Variants in COL24A1 observed in about 807,000 individuals in gnomAD.
COL24A1 encodes the protein collagen type XXIV alpha 1 chain.
A neutral mutation model predicts 253.9 loss-of-function variants in COL24A1; 224 were observed. That is an observed-to-expected ratio of 0.88 (90% confidence interval 0.79 to 0.99). The LOEUF (loss-of-function observed/expected upper bound fraction) is 0.99. Among genes scored for constraint, COL24A1 ranks in the 50% least tolerant of loss-of-function variants. COL24A1 has a pLI of 0.00. For missense variants in COL24A1, 2,131 were observed against 2,068.5 expected, an observed-to-expected ratio of 1.03 and a Z score of -0.59; for synonymous variants, 685 against 673.7, an observed-to-expected ratio of 1.02 and a Z score of -0.26.
At chr1:85,912,634 T>C (rs1426186799) in intron 24 of COL24A1, among the ~76,000 whole-genome samples, 1 of 152,208 alleles carries the variant, frequency 6.6e-6, no homozygotes, top group Non-Finnish European at 1.5e-5. Flanking sequence ...TTAAGTGTTT[T>C]CTATGTGCCT....
intron 43 of COL24A1, among the ~76,000 whole-genome samples, chr1:85,829,007 T>G (rs2102067942): frequency 6.6e-6 from 1 of 152,290 alleles, no homozygotes; most frequent in African/African-American, 2.4e-5. Context: ...TGATGCAGTT[T>G]CTTCCTAGTC....
intron 43 of COL24A1, among the ~76,000 whole-genome samples, chr1:85,825,925 T>C (rs1674260346): frequency 1.2e-5 from 1 of 83,028 alleles, no homozygotes; most frequent in Admixed American, 1.3e-4. Context: ...GCTCTTTAGT[T>C]TAATTAGATC....
At chr1:85,732,024 G>C (rs1298753392) in intron 59 of COL24A1, among the ~76,000 whole-genome samples, 4 of 152,142 alleles carry the variant, frequency 2.6e-5, no homozygotes, top group Non-Finnish European at 2.9e-5. Context: ...AATTAGCTTA[G>C]CATGGCGTTT....
chr1:85,841,244 G>C lies in COL24A1; in HGVS notation c.3605C>G (p.Pro1202Arg). ...YPGEDSTVLG[P>R]PGPRGEPGPV... ...TACTGGTTCACCTCGAGGCCCAGGTGGTCCTAGGACTGTGCTATCTTCTCC... is the reference window on the plus strand; with the variant it reads ...TACTGGTTCACCTCGAGGCCCAGGTCGTCCTAGGACTGTGCTATCTTCTCC... The change falls in exon 42 of 60, where the codon CCA becomes CGA. Residue 1202 changes from proline to arginine, a missense_variant. Transcript: ENST00000370571. 1.2e-6 allele frequency: 2 copies of C among 1,603,636 alleles called. No homozygotes were observed. Among genetic ancestry groups the C allele is most frequent in the Non-Finnish European group, 1.7e-6 (2 of 1,175,984 alleles).
chr1:85,996,803 A>G (rs986807489), intron 19 of COL24A1, among the ~76,000 whole-genome samples: 1 of 152,036 alleles, frequency 6.6e-6, no homozygotes, highest in African/African-American at 2.4e-5. Context: ...GAGACTGTTT[A>G]TCTCAGAGAT....
chr1:86,005,394 C>A (rs973798763), intron 19 of COL24A1, among the ~76,000 whole-genome samples: 3 of 151,416 alleles, frequency 2.0e-5, no homozygotes, highest in Admixed American at 2.0e-4. Flanking sequence ...TCTCTGATCA[C>A]CATGCAATGA....
At chr1:86,111,445 C>G (rs1290731363) in intron 5 of COL24A1, among the ~76,000 whole-genome samples, 1 of 152,060 alleles carries the variant, frequency 6.6e-6, no homozygotes, top group African/African-American at 2.4e-5. Context: ...CAGTGTATAG[C>G]TCAGGGATTG....
intron 53 of COL24A1, among the ~76,000 whole-genome samples, chr1:85,763,708 T>C (rs1368376478): frequency 6.6e-6 from 1 of 151,940 alleles, no homozygotes; most frequent in Non-Finnish European, 1.5e-5. Context: ...TTGGCCAGGC[T>C]GGTCTCAAAC....
chr1:85,908,128 TA>T (rs1375330248), intron 27 of COL24A1, among the ~76,000 whole-genome samples: 3 of 151,518 alleles, frequency 2.0e-5, no homozygotes, highest in Non-Finnish European at 3.0e-5. Flanking sequence ...TAAGCAAAAT[TA>T]ATTTAGGGGA....
At chr1:85,905,633 A>G (rs1044819609) in intron 28 of COL24A1, among the ~76,000 whole-genome samples, 3 of 152,110 alleles carry the variant, frequency 2.0e-5, no homozygotes, top group Admixed American at 2.0e-4. Context: ...GGAGAGAATC[A>G]GTAAAATGTA....
chr1:86,132,387 A>G (rs1649393085), intron 2 of COL24A1, among the ~76,000 whole-genome samples: 1 of 152,030 alleles, frequency 6.6e-6, no homozygotes, highest in African/African-American at 2.4e-5. Flanking sequence ...CCATTTGTCA[A>G]TTTTGGCTTT....
At chr1:86,117,619 T>C (rs1466876092) in intron 3 of COL24A1, among the ~76,000 whole-genome samples, 1 of 152,208 alleles carries the variant, frequency 6.6e-6, no homozygotes, top group Admixed American at 6.5e-5. Flanking sequence ...TAAAATCAAT[T>C]CTCACATGTC....
At chr1:86,066,955 T>G (rs1379103298) in intron 7 of COL24A1, among the ~76,000 whole-genome samples, 1 of 151,944 alleles carries the variant, frequency 6.6e-6, no homozygotes, top group Non-Finnish European at 1.5e-5. Context: ...CTGGCCAACA[T>G]GATGAAACCC....
chr1:85,846,738 G>A (rs575466776), intron 39 of COL24A1, among the ~76,000 whole-genome samples: 9 of 152,092 alleles, frequency 5.9e-5, no homozygotes, highest in Admixed American at 4.6e-4. Context: ...TGGGAAGGTA[G>A]GTTGGGAACG....
intron 19 of COL24A1, among the ~76,000 whole-genome samples, chr1:85,998,188 T>C (rs956340077): frequency 2.8e-4 from 43 of 152,200 alleles, no homozygotes; most frequent in African/African-American, 1.0e-3. Context: ...TCTTCACACA[T>C]CTGTGCTTTT....
chr1:85,860,954 C>A (rs1679081092), intron 37 of COL24A1, among the ~76,000 whole-genome samples: 1 of 152,124 alleles, frequency 6.6e-6, no homozygotes, highest in South Asian at 2.1e-4. Context: ...TCTTATAAAT[C>A]ATGTGCTGTG....
chr1:85,951,335 C>T (rs12240129), intron 24 of COL24A1, among the ~76,000 whole-genome samples: 30,140 of 151,972 alleles, frequency 0.2, 3,344 homozygotes, highest in Non-Finnish European at 0.24. Flanking sequence ...TAGGAAGAAA[C>T]GGAATCTAAC....
At chr1:86,002,315 G>A (rs193037854) in intron 19 of COL24A1, among the ~76,000 whole-genome samples, 93 of 152,294 alleles carry the variant, frequency 6.1e-4, no homozygotes, top group African/African-American at 2.2e-3. Flanking sequence ...TGCGGAGATC[G>A]CATAGATTCT....
At chr1:85,826,772 T>G (rs1674402137) in intron 43 of COL24A1, among the ~76,000 whole-genome samples, 1 of 151,808 alleles carries the variant, frequency 6.6e-6, no homozygotes, top group Non-Finnish European at 1.5e-5. Flanking sequence ...TGCACATTGA[T>G]TTTGTATCCT....
Sources: allele counts gnomAD v4.1 joint callset (sites outside exome capture counted in the v4.1 genomes callset), GRCh38; gene constraint gnomAD v4.1.1; transcripts MANE v1.5; gene names NCBI Gene and HGNC (gene_info 2026-07-23, HGNC 2026-07-21).